The following DGKG variants were observed in gnomAD, a reference collection of about 807,000 sequenced individuals.
DGKG encodes DAG kinase gamma.
A neutral mutation model predicts 105.3 loss-of-function variants in DGKG; 78 were observed. That is an observed-to-expected ratio of 0.74 (90% CI 0.62 to 0.89). The LOEUF (loss-of-function observed/expected upper bound fraction) is 0.89. DGKG is among the 40% of genes least tolerant of loss of function. The pLI, the probability that DGKG is intolerant of heterozygous loss-of-function variation, is 0.00. For synonymous variants in DGKG, 346 were observed against 367.1 expected (o/e 0.94, Z 0.66); for missense variants, 958 against 1,020.1 (o/e 0.94, Z 0.83).
intron 22 of DGKG, among the ~76,000 whole-genome samples, chr3:186,177,115 T>A (rs990754078): frequency 2.6e-5 from 4 of 152,248 alleles, no homozygotes; most frequent in African/African-American, 9.6e-5. Context: ...TAAGCCCGCA[T>A]TCTGCATTAG....
chr3:186,342,182 A>T (rs1354139533), intron 1 of DGKG, among the ~76,000 whole-genome samples: 2 of 152,162 alleles, frequency 1.3e-5, no homozygotes, highest in Non-Finnish European at 2.9e-5. Flanking sequence ...AAAATACTAG[A>T]AACTACATTA....
chr3:186,210,294 G>GA lies in DGKG; in HGVS notation c.1917+1500dup, dbSNP rs1175964160. On this transcript the variant is annotated intron_variant, in intron 21 of 24. Coordinates refer to ENST00000265022, the MANE Select transcript of DGKG (RefSeq NM_001346.3). The surrounding 1 kb of genome is among the most constrained non-coding windows in gnomAD (Gnocchi z 5.2). Reference sequence around the variant, plus strand: ...CCTCACCAGACGGCTGTGCCAAGGGGAAAAAATGCACACATATCCCTGTTA... The same window carrying GA: ...CCTCACCAGACGGCTGTGCCAAGGGGAAAAAAATGCACACATATCCCTGTTA... Among the ~76,000 whole-genome samples, 3 of 152,176 alleles carry GA rather than the reference G, an allele frequency of 2.0e-5. No individual in the cohort carries two copies. The highest frequency in any genetic ancestry group is 7.2e-5 in the African/African-American group (3 of 41,440).
At chr3:186,202,804 C>G (rs1334500542) in intron 21 of DGKG, among the ~76,000 whole-genome samples, 1 of 152,136 alleles carries the variant, frequency 6.6e-6, no homozygotes, top group East Asian at 1.9e-4. Context: ...CTTTCTTGGG[C>G]CCCATCTATT....
At chr3:186,293,228 T>C (rs754323005) in intron 5 of DGKG, among the ~76,000 whole-genome samples, 5 of 152,252 alleles carry the variant, frequency 3.3e-5, no homozygotes, top group African/African-American at 4.8e-5. Flanking sequence ...CATTATAGTA[T>C]ACAGAGTAGT....
At chr3:186,242,389 A>T in intron 20 of DGKG, 115 bp downstream of exon 20, 1 of 802,192 alleles carries the variant, frequency 1.2e-6, no homozygotes, top group East Asian at 2.7e-5. Context: ...AAGTGGCAGG[A>T]AGGCCAAGTC....
chr3:186,195,933 T>G (rs914050626), intron 21 of DGKG, among the ~76,000 whole-genome samples: 1 of 152,160 alleles, frequency 6.6e-6, no homozygotes, highest in African/African-American at 2.4e-5. Context: ...TTTTGTGATT[T>G]TTAGACTGAT....
In DGKG at chr3:186,297,950, G is replaced by A. The variant is rs542950573; in HGVS notation, c.310+114C>T. ...CGTCCCTGTCCCTTGGTTCATGTTC[G>A]CACCGTTGGGGCAGTTACTATGTTC... On this transcript the variant is annotated intron_variant, in intron 4 of 24. Coordinates refer to ENST00000265022, the MANE Select transcript of DGKG (RefSeq NM_001346.3). 3.3e-5 allele frequency: 41 copies of A among 1,249,860 alleles called. No individual in the cohort carries two copies. The Middle Eastern group carries it at 1.4e-3, about 44-fold the overall frequency. The allele number at this position is 1,249,860 out of a possible 1,614,324, so 77.4% of individuals were successfully genotyped here.
chr3:186,325,177 G>T (rs1461049342), intron 1 of DGKG, among the ~76,000 whole-genome samples: 1 of 152,148 alleles, frequency 6.6e-6, no homozygotes, highest in Non-Finnish European at 1.5e-5. Flanking sequence ...CTTATAAGTG[G>T]GAGCTAAACA....
At chr3:186,154,516 G>A (rs1311082252) in intron 24 of DGKG, among the ~76,000 whole-genome samples, 3 of 151,808 alleles carry the variant, frequency 2.0e-5, no homozygotes, top group African/African-American at 7.3e-5. Context: ...GTGGTAGTGG[G>A]CGCCTGGAAT....
At chr3:186,354,841 C>T (rs1285936352) in intron 1 of DGKG, among the ~76,000 whole-genome samples, 1 of 152,168 alleles carries the variant, frequency 6.6e-6, no homozygotes, top group Non-Finnish European at 1.5e-5. Context: ...GAGACCCTGG[C>T]TCCTATTCTG....
chr3:186,247,935 G>A (rs536755828), intron 19 of DGKG, among the ~76,000 whole-genome samples: 2 of 151,984 alleles, frequency 1.3e-5, no homozygotes, highest in African/African-American at 2.4e-5. Flanking sequence ...TTTCCTTGGG[G>A]ACAATTAATT....
chr3:186,196,240 T>G (rs1261960577), intron 21 of DGKG, among the ~76,000 whole-genome samples: 1 of 151,188 alleles, frequency 6.6e-6, no homozygotes, highest in Non-Finnish European at 1.5e-5. Flanking sequence ...CAGGTTCAAG[T>G]GATTCTCCTG....
chr3:186,174,489 G>T (rs542256281), intron 22 of DGKG, among the ~76,000 whole-genome samples: 159 of 152,250 alleles, frequency 1.0e-3, no homozygotes, highest in Non-Finnish European at 1.9e-3. Flanking sequence ...AAAGAGAAAG[G>T]CAGAGAGACG....
At chr3:186,189,714 T>C (rs1717813471) in intron 21 of DGKG, among the ~76,000 whole-genome samples, 2 of 152,236 alleles carry the variant, frequency 1.3e-5, no homozygotes, top group African/African-American at 4.8e-5. Context: ...TTCTTTGCAG[T>C]TCTTACATTA....
At chr3:186,288,964 G>T in intron 5 of DGKG, 84 bp from the exon 6 acceptor site, 1 of 1,359,326 alleles carries the variant, frequency 7.4e-7, no homozygotes, top group South Asian at 1.5e-5. Context: ...TCCTTTTCAT[G>T]GTAGAGGCAA....
intron 7 of DGKG, chr3:186,281,319 T>G (rs1722819319): frequency 6.6e-6 from 1 of 152,622 alleles, no homozygotes; most frequent in African/African-American, 2.4e-5. Context: ...AGGAAACTCA[T>G]GAGGAATATG....
At chr3:186,208,221 T>C (rs1213626534) in intron 21 of DGKG, among the ~76,000 whole-genome samples, 1 of 152,022 alleles carries the variant, frequency 6.6e-6, no homozygotes, top group East Asian at 1.9e-4. Flanking sequence ...TTTGTATTTT[T>C]AGTAGAGACG....
intron 19 of DGKG, 27 bp downstream of exon 19, chr3:186,251,732 C>A: frequency 6.2e-7 from 1 of 1,613,710 alleles, no homozygotes; most frequent in Non-Finnish European, 8.5e-7. Flanking sequence ...CCCTTCCATA[C>A]AGAAAGGTGA....
At chr3:186,267,594 C>A (rs1722116600) in intron 13 of DGKG, 91 bp downstream of exon 13, 1 of 953,152 alleles carries the variant, frequency 1.0e-6, no homozygotes, top group East Asian at 2.4e-5. Context: ...GTCAGGGAAG[C>A]CCTGGGAAGG....
Sources: gnomAD v4.1 joint callset for allele counts (sites outside exome capture counted in the v4.1 genomes callset) on GRCh38, gnomAD v4.1.1 for gene constraint, Gnocchi (gnomAD v3.1) non-coding constraint, MANE v1.5 for transcripts, NCBI Gene and HGNC (gene_info 2026-07-23, HGNC 2026-07-21) for gene names.